Variants in ROBO2 observed in about 807,000 individuals in gnomAD.
ROBO2 encodes the protein roundabout homolog 2.
Under a neutral mutation model 160.8 loss-of-function variants are expected in ROBO2, and 53 were observed. The observed-to-expected ratio is 0.33, with a 90% confidence interval of 0.26 to 0.41. The LOEUF is 0.41. Ranked by LOEUF, ROBO2 falls within the 10% of genes least tolerant of loss-of-function variation. The pLI, the probability that ROBO2 is intolerant of heterozygous loss-of-function variation, is 1.00. For missense variants in ROBO2, 1,577 were observed against 1,722.4 expected (o/e 0.92, Z 1.49); for synonymous variants, 664 against 611.7 (o/e 1.09, Z -1.26).
At chr3:76,426,072 T>G (rs2076209556) in intron 2 of ROBO2, among the ~76,000 whole-genome samples, 1 of 152,194 alleles carries the variant, frequency 6.6e-6, no homozygotes, top group African/African-American at 2.4e-5. Flanking sequence ...TGTGCACAGA[T>G]GAGTGTTGAG....
chr3:76,832,487 C>T (rs565008477), intron 2 of ROBO2, among the ~76,000 whole-genome samples: 3 of 152,138 alleles, frequency 2.0e-5, no homozygotes, highest in East Asian at 1.9e-4. Context: ...TGCATCATAA[C>T]GTGCAAATTG....
chr3:77,522,573 C>G (rs2090715464), intron 5 of ROBO2, among the ~76,000 whole-genome samples: 1 of 151,144 alleles, frequency 6.6e-6, no homozygotes, highest in Non-Finnish European at 1.5e-5. Flanking sequence ...AGGTAACTGA[C>G]AAACAGCTAA....
rs139723268 is a variant in ROBO2 at position 77,255,274 on chromosome 3, G to C, written c.388+156934G>C. Among the ~76,000 whole-genome samples the C allele has an allele frequency of 4.7e-3, 717 of 152,226 alleles. 18 individuals carry two copies. The highest frequency in any genetic ancestry group is 0.042 in the Admixed American group (649 of 15,284). ...ACCTGTAAATGTAAAGAAAAAAGTT[G>C]GTAAAGTGAAAATGATAAGAATTCA... On this transcript the variant is annotated intron_variant, in intron 2 of 25. Transcript: ENST00000461745.
intron 2 of ROBO2, among the ~76,000 whole-genome samples, chr3:76,957,100 T>A (rs925542706): frequency 3.3e-5 from 5 of 152,106 alleles, no homozygotes; most frequent in African/African-American, 1.2e-4. Flanking sequence ...GATATTACTG[T>A]GAAGAAAGTA....
chr3:75,909,448 A>G (rs1045569777), intron 1 of ROBO2, among the ~76,000 whole-genome samples: 11 of 152,226 alleles, frequency 7.2e-5, no homozygotes, highest in African/African-American at 2.7e-4. Flanking sequence ...TATACATAAA[A>G]TTGATAGTTA....
rs115010440 is a variant in ROBO2 at position 77,273,945 on chromosome 3, A to C, written c.388+175605A>C. Among the ~76,000 whole-genome samples the C allele has an allele frequency of 8.9e-3, 1,352 of 151,342 alleles. 22 individuals carry two copies. Among genetic ancestry groups the C allele is most frequent in the African/African-American group, 0.031 (1,268 of 41,398 alleles). On this transcript the variant is annotated intron_variant, in intron 2 of 25. Coordinates refer to ENST00000461745, the Ensembl canonical transcript of ROBO2. ...ATCCAACAAAAGATGTTAGAATTCC[A>C]CTTTGGTGTGAATCTAACCTAGACA...
At chr3:77,221,848 CTTTTTCTTTTTT>C (rs754245550) in intron 2 of ROBO2, among the ~76,000 whole-genome samples, 16 of 145,044 alleles carry the variant, frequency 1.1e-4, no homozygotes, top group African/African-American at 3.9e-4. Flanking sequence ...TTTTCTTTTT[CTTTTTCTTTTTT>C]TTTTTTTTTT....
At chr3:76,064,671 A>G (rs2068191608) in intron 2 of ROBO2, among the ~76,000 whole-genome samples, 1 of 152,118 alleles carries the variant, frequency 6.6e-6, no homozygotes, top group Admixed American at 6.6e-5. Flanking sequence ...TTTTAAACTG[A>G]TTTTCTTTTA....
intron 2 of ROBO2, among the ~76,000 whole-genome samples, chr3:76,657,642 A>ATGTGTATATATATACATATATG (rs1560319029): frequency 1.3e-4 from 18 of 138,378 alleles, no homozygotes; most frequent in African/African-American, 3.0e-5. Flanking sequence ...ATTCATATAT[A>ATGTGTATATATATACATATATG]TGTGTATATA....
At chr3:76,154,505 T>C (rs2072329791) in intron 2 of ROBO2, among the ~76,000 whole-genome samples, 1 of 152,054 alleles carries the variant, frequency 6.6e-6, no homozygotes, top group African/African-American at 2.4e-5. Flanking sequence ...TAAACAGAGA[T>C]TTGAGAGAAG....
intron 2 of ROBO2, among the ~76,000 whole-genome samples, chr3:76,884,917 G>C (rs541002655): frequency 3.7e-4 from 57 of 152,186 alleles, no homozygotes; most frequent in African/African-American, 1.3e-3. Context: ...AGCTTAAAGA[G>C]GGTGAAATGA....
chr3:76,213,858 A>G (rs973079776), intron 2 of ROBO2, among the ~76,000 whole-genome samples: 1 of 152,154 alleles, frequency 6.6e-6, no homozygotes, highest in East Asian at 1.9e-4. Context: ...ACCCTATGCC[A>G]CCTGAATTTA....
chr3:76,441,648 G>C (rs1478318680), intron 2 of ROBO2, among the ~76,000 whole-genome samples: 1 of 152,006 alleles, frequency 6.6e-6, no homozygotes, highest in African/African-American at 2.4e-5. Flanking sequence ...AAAACTGTGT[G>C]AGTGTGTATC....
At chr3:77,271,368 T>C (rs78338203) in intron 2 of ROBO2, among the ~76,000 whole-genome samples, 1,987 of 152,248 alleles carry the variant, frequency 0.013, 50 homozygotes, top group African/African-American at 0.045. Flanking sequence ...AAAGGTACAG[T>C]GTATTTTGGG....
At chr3:76,554,513 C>T (rs933916312) in intron 2 of ROBO2, among the ~76,000 whole-genome samples, 2 of 152,064 alleles carry the variant, frequency 1.3e-5, no homozygotes, top group Admixed American at 1.3e-4. Context: ...GATGTCTTAC[C>T]ACTCCCTGCT....
chr3:77,010,152 G>T (rs1007489053), intron 2 of ROBO2, among the ~76,000 whole-genome samples: 2 of 152,052 alleles, frequency 1.3e-5, no homozygotes, highest in African/African-American at 4.8e-5. Flanking sequence ...GAACTTGGTT[G>T]ATTTCAGAAA....
intron 2 of ROBO2, among the ~76,000 whole-genome samples, chr3:76,789,295 G>A (rs918276017): frequency 6.6e-5 from 10 of 151,406 alleles, no homozygotes; most frequent in East Asian, 1.9e-4. Context: ...CAATGGCTTC[G>A]TTTTTCCAAG....
At chr3:76,467,588 C>A (rs1266062061) in intron 2 of ROBO2, among the ~76,000 whole-genome samples, 1 of 152,060 alleles carries the variant, frequency 6.6e-6, no homozygotes, top group Non-Finnish European at 1.5e-5. Flanking sequence ...ATTTAACAGC[C>A]AGCTGTCCAT....
chr3:76,669,280 C>G (rs559317739), intron 2 of ROBO2, among the ~76,000 whole-genome samples: 3 of 152,110 alleles, frequency 2.0e-5, no homozygotes, highest in African/African-American at 7.2e-5. Flanking sequence ...TCTCGTAACT[C>G]TGCTTCTACG....
Sources: allele counts gnomAD v4.1 joint callset (sites outside exome capture counted in the v4.1 genomes callset), GRCh38; gene constraint gnomAD v4.1.1; transcripts MANE v1.5; gene names NCBI Gene and HGNC (gene_info 2026-07-23, HGNC 2026-07-21).